THSD7B: variants seen among roughly 807,000 people sequenced by gnomAD.
THSD7B encodes the protein thrombospondin type-1 domain-containing protein 7B.
A neutral mutation model predicts 213.6 loss-of-function variants in THSD7B; 138 were observed. The observed-to-expected ratio is 0.65, with a 90% CI of 0.56 to 0.74. THSD7B has a LOEUF of 0.74. Among genes scored for constraint, THSD7B ranks in the 30% least tolerant of loss-of-function variants. The pLI is 0.00. For synonymous variants in THSD7B, 742 were observed against 687.0 expected, an observed-to-expected ratio of 1.08 and a Z score of -1.25; for missense variants, 1,931 against 1,991.5, an observed-to-expected ratio of 0.97 and a Z score of 0.58.
intron 11 of THSD7B, among the ~76,000 whole-genome samples, chr2:137,274,056 A>G (rs1270942987): frequency 6.6e-6 from 1 of 152,068 alleles, no homozygotes; most frequent in Non-Finnish European, 1.5e-5. Flanking sequence ...GCTAGTTTCT[A>G]TCAATGACCT....
chr2:137,056,891 G>T lies in THSD7B; in HGVS notation c.611G>T (p.Arg204Leu). 6.2e-7 allele frequency: 1 copy of T among 1,613,832 alleles called. No homozygotes were observed. Among genetic ancestry groups the T allele is most frequent in the Non-Finnish European group, 8.5e-7 (1 of 1,179,858 alleles). Residue 204 changes from arginine to leucine, a missense_variant, in exon 3 of 28, where the codon CGC becomes CTC. By Grantham distance (102) the Arg-to-Leu change is moderately radical. Transcript: ENST00000409968. ...GCGKKLQHRT[R>L]AVIAPPLFGG... ...GGGAAGAAATTGCAGCATAGAACTC[G>T]CGCGGTCATAGCTCCCCCTCTCTTT...
intron 2 of THSD7B, among the ~76,000 whole-genome samples, chr2:136,948,369 C>T (rs1428322580): frequency 6.6e-6 from 1 of 152,062 alleles, no homozygotes; most frequent in Non-Finnish European, 1.5e-5. Flanking sequence ...CTTTTACTCT[C>T]CTAGTAGACA....
At chr2:137,540,774 C>G (rs1680595844) in intron 15 of THSD7B, among the ~76,000 whole-genome samples, 1 of 151,538 alleles carries the variant, frequency 6.6e-6, no homozygotes, top group South Asian at 2.1e-4. Context: ...TGGTATATAA[C>G]AGTTAGGGTA....
chr2:136,995,321 T>C (rs1380826084), intron 2 of THSD7B, among the ~76,000 whole-genome samples: 1 of 146,582 alleles, frequency 6.8e-6, no homozygotes, highest in Non-Finnish European at 1.5e-5. Context: ...AGATGGGCAG[T>C]AGGGAAGCCT....
chr2:137,476,443 A>C (rs1455860757), intron 15 of THSD7B, among the ~76,000 whole-genome samples: 1 of 151,820 alleles, frequency 6.6e-6, no homozygotes, highest in African/African-American at 2.4e-5. Flanking sequence ...GTGGTTTCAT[A>C]GTTTTTGGTT....
chr2:137,008,878 A>G (rs1265569232), intron 2 of THSD7B, among the ~76,000 whole-genome samples: 2 of 152,228 alleles, frequency 1.3e-5, no homozygotes, highest in African/African-American at 2.4e-5. Flanking sequence ...AAGTCCCCAC[A>G]TACAAACTAC....
intron 12 of THSD7B, among the ~76,000 whole-genome samples, chr2:137,337,826 A>G (rs1248674044): frequency 6.6e-6 from 1 of 152,114 alleles, no homozygotes; most frequent in Non-Finnish European, 1.5e-5. Flanking sequence ...TTATTTTACT[A>G]TATGAGTTTT....
chr2:137,589,147 C>A (rs1252314231), intron 17 of THSD7B, among the ~76,000 whole-genome samples: 2 of 152,150 alleles, frequency 1.3e-5, no homozygotes, highest in East Asian at 1.9e-4. Flanking sequence ...TACTTTCCTG[C>A]CATTTGATTT....
At chr2:136,920,674 C>A (rs1684421039) in intron 2 of THSD7B, among the ~76,000 whole-genome samples, 1 of 152,110 alleles carries the variant, frequency 6.6e-6, no homozygotes, top group African/African-American at 2.4e-5. Context: ...GGTAAGCTAC[C>A]CCTTCCCACC....
At chr2:136,952,853 G>A (rs77122724) in intron 2 of THSD7B, among the ~76,000 whole-genome samples, 4,536 of 152,176 alleles carry the variant, frequency 0.03, 104 homozygotes, top group South Asian at 0.072. Flanking sequence ...TAAGATAGTG[G>A]TTTACCTTCT....
intron 1 of THSD7B, among the ~76,000 whole-genome samples, chr2:136,793,199 G>A (rs924263531): frequency 2.6e-5 from 4 of 152,000 alleles, no homozygotes; most frequent in African/African-American, 9.7e-5. Flanking sequence ...ATTCTTACCA[G>A]TAATGAATAG....
chr2:137,524,410 T>A (rs1198612672), intron 15 of THSD7B, among the ~76,000 whole-genome samples: 1 of 152,162 alleles, frequency 6.6e-6, no homozygotes, highest in Non-Finnish European at 1.5e-5. Flanking sequence ...TTTTTCTTCC[T>A]TTCCTGTTCA....
intron 2 of THSD7B, among the ~76,000 whole-genome samples, chr2:137,044,399 G>C (rs541579397): frequency 2.6e-5 from 4 of 152,208 alleles, no homozygotes; most frequent in Non-Finnish European, 5.9e-5. Context: ...TGGGTGTATT[G>C]ATGCTGCGGT....
At chr2:137,454,954 A>G (rs1687734509) in intron 15 of THSD7B, among the ~76,000 whole-genome samples, 2 of 152,216 alleles carry the variant, frequency 1.3e-5, no homozygotes, top group South Asian at 4.1e-4. Flanking sequence ...CATCTTTACT[A>G]TTTGGGCATG....
chr2:137,393,159 AATTT>A (rs200082537), intron 12 of THSD7B, among the ~76,000 whole-genome samples: 7 of 85,874 alleles, frequency 8.2e-5, no homozygotes, highest in African/African-American at 3.0e-4. Context: ...TTTTTTTTTT[AATTT>A]TTTTTTTTTA....
At chr2:137,383,411 G>C (rs1196041077) in intron 12 of THSD7B, among the ~76,000 whole-genome samples, 2 of 152,154 alleles carry the variant, frequency 1.3e-5, no homozygotes, top group East Asian at 1.9e-4. Flanking sequence ...CTCAGCCTAG[G>C]GGGTGGAATA....
chr2:136,937,382 C>A (rs1323901425), intron 2 of THSD7B, among the ~76,000 whole-genome samples: 1 of 152,010 alleles, frequency 6.6e-6, no homozygotes, highest in African/African-American at 2.4e-5. Flanking sequence ...CTATCAAACC[C>A]CATCTTTTAT....
intron 6 of THSD7B, among the ~76,000 whole-genome samples, chr2:137,166,217 G>A (rs1680125583): frequency 6.6e-6 from 1 of 151,946 alleles, no homozygotes; most frequent in African/African-American, 2.4e-5. Context: ...GTCAAGTAAA[G>A]CTAGGATGCC....
Position 137,342,211 on chromosome 2 carries a change from T to G in THSD7B, c.2501-63402T>G, listed in dbSNP as rs1288186270. Among the ~76,000 whole-genome samples the G allele has an allele frequency of 5.3e-5, 8 of 151,692 alleles. No homozygotes were observed. In the East Asian group the frequency reaches 1.4e-3, roughly 26 times the overall value. On this transcript the variant is annotated intron_variant, in intron 12 of 27. Transcript: ENST00000409968. ...TTTATAGCTTTTTAGTGTACCGTTC[T>G]TTCACCTTCTTGGTTAAACTTATTC... is the stretch of plus-strand genomic sequence containing the variant.
Sources: allele counts gnomAD v4.1 joint callset (sites outside exome capture counted in the v4.1 genomes callset), GRCh38; gene constraint gnomAD v4.1.1; transcripts MANE v1.5; gene names NCBI Gene and HGNC (gene_info 2026-07-23, HGNC 2026-07-21).